Variants in AFF1 observed in about 807,000 individuals in gnomAD.
AFF1 encodes the protein AF4/FMR2 family member 1.
Under a neutral mutation model 121.7 loss-of-function variants are expected in AFF1, and 48 were observed. The ratio of observed to expected loss-of-function variants is 0.39; its 90% confidence interval spans 0.31 to 0.50. The LOEUF (loss-of-function observed/expected upper bound fraction) is 0.50. Among genes scored for constraint, AFF1 ranks in the 20% least tolerant of loss-of-function variants. The pLI is 0.76. For missense variants in AFF1, 1,523 were observed against 1,511.7 expected, an observed-to-expected ratio of 1.01 and a Z score of -0.12; for synonymous variants, 613 against 563.0, an observed-to-expected ratio of 1.09 and a Z score of -1.26.
At position 86,990,166 on chromosome 4, in the gene AFF1, T is replaced by TATA. The variant is rs35076194; in HGVS notation, c.38+41617_38+41619dup. Among the ~76,000 whole-genome samples, 321 of 148,190 alleles carry TATA rather than the reference T, an allele frequency of 2.2e-3. 2 individuals are homozygous for TATA. Among genetic ancestry groups the TATA allele is most frequent in the East Asian group, 9.9e-3 (50 of 5,040 alleles). ...TGCCCATGTATTCCAGAACTTAAAT[T>TATA]ATAATAATAATAATAATAATAATAG... On this transcript the variant is annotated intron_variant, in intron 2 of 20. Transcript: ENST00000395146.
intron 2 of AFF1, among the ~76,000 whole-genome samples, chr4:86,969,770 C>T (rs1301259069): frequency 6.7e-6 from 1 of 148,532 alleles, no homozygotes; most frequent in Non-Finnish European, 1.5e-5. Context: ...GTCCCAGCTA[C>T]TCGGGAGGCT....
intron 4 of AFF1, among the ~76,000 whole-genome samples, chr4:87,069,463 C>CCTCTCGTCT (rs1721755737): frequency 6.7e-6 from 1 of 149,428 alleles, no homozygotes; most frequent in African/African-American, 2.5e-5. Context: ...TTCCTCCCTC[C>CCTCTCGTCT]CTCTCGTCTC....
At chr4:87,072,862 G>A (rs934699686) in intron 4 of AFF1, among the ~76,000 whole-genome samples, 5 of 152,088 alleles carry the variant, frequency 3.3e-5, no homozygotes, top group Admixed American at 6.5e-5. Context: ...AAATACTGGC[G>A]TTTGTCGAAT....
chr4:86,970,032 G>C (rs142733540), intron 2 of AFF1, among the ~76,000 whole-genome samples: 2 of 151,990 alleles, frequency 1.3e-5, no homozygotes, highest in East Asian at 3.9e-4. Context: ...CATAGAACAG[G>C]TCTGAAAGGG....
At chr4:87,114,292 A>G in intron 11 of AFF1, 75 bp from the exon 12 acceptor site, 1 of 1,345,112 alleles carries the variant, frequency 7.4e-7, no homozygotes, top group South Asian at 1.5e-5. Flanking sequence ...GTGTTGTATA[A>G]TTGGGTGACT....
At chr4:86,941,460 TTGAGC>T (rs1178132721) in intron 1 of AFF1, among the ~76,000 whole-genome samples, 1 of 151,992 alleles carries the variant, frequency 6.6e-6, no homozygotes, top group East Asian at 1.9e-4. Context: ...GGAGTTCGAG[TTGAGC>T]CTGGCCAACG....
At chr4:87,101,660 T>C (rs1035455738) in intron 8 of AFF1, among the ~76,000 whole-genome samples, 2 of 152,156 alleles carry the variant, frequency 1.3e-5, no homozygotes, top group South Asian at 4.1e-4. Flanking sequence ...CCATTGCCCA[T>C]CCTATCCCCG....
chr4:87,020,726 C>G, intron 2 of AFF1: 1 of 880,772 alleles, frequency 1.1e-6, no homozygotes, highest in African/African-American at 1.8e-5. Flanking sequence ...CCTCATGATC[C>G]GCCTGCCTCA....
rs1368452512 is a variant in AFF1, at chr4:87,047,144, G to C, written c.609G>C (p.Arg203Ser). The C allele has an allele frequency of 6.2e-7, 1 of 1,614,036 alleles. No homozygotes were observed. The highest frequency in any genetic ancestry group is 1.7e-5 in the Admixed American group (1 of 60,002). Reference sequence around the variant, plus strand: ...CGGTGACAGATTCGGCTCCAGAGAGGGAGCTTTCTCCCTTAATCTCTTTGC... The same window carrying C: ...CGGTGACAGATTCGGCTCCAGAGAGCGAGCTTTCTCCCTTAATCTCTTTGC... ...CASVTDSAPE[R>S]ELSPLISLPS... The change falls in exon 4 of 21, where the codon AGG becomes AGC. Residue 203 changes from arginine (R) to serine (S), a missense_variant. Physicochemically the swap from Arg to Ser is moderately radical, Grantham distance 110 (BLOSUM62 -1). Transcript: ENST00000395146.
At chr4:87,035,662 A>G (rs73837573) in intron 2 of AFF1, among the ~76,000 whole-genome samples, 1,985 of 152,274 alleles carry the variant, frequency 0.013, 46 homozygotes, top group African/African-American at 0.045. Flanking sequence ...TATGATTTTT[A>G]GAAAAATCAG....
chr4:87,013,949 A>G (rs1032005977), intron 2 of AFF1, among the ~76,000 whole-genome samples: 1 of 152,178 alleles, frequency 6.6e-6, no homozygotes, highest in Admixed American at 6.5e-5. Flanking sequence ...GAGAGAGATC[A>G]TATAAACCAT....
At chr4:86,958,883 T>C (rs1157918811) in intron 2 of AFF1, among the ~76,000 whole-genome samples, 1 of 152,188 alleles carries the variant, frequency 6.6e-6, no homozygotes, top group African/African-American at 2.4e-5. Context: ...AAGGAAACAG[T>C]TGCATGTATG....
rs3733377 is a variant in AFF1 at position 87,108,330 on chromosome 4, C to A, written c.1533+15C>A. 3 of 1,609,836 alleles carry A rather than the reference C, an allele frequency of 1.9e-6. No individual in the cohort carries two copies. The highest frequency in any genetic ancestry group is 2.2e-5 in the East Asian group (1 of 44,830). ...CAGCTCCGGAGGTACCGTGTTCCCC[C>A]TCGAGATGGCCACCTTAGATGGCAG... On this transcript the variant is annotated intron_variant, in intron 11 of 20. Coordinates refer to ENST00000395146, the MANE Select transcript of AFF1 (RefSeq NM_001166693.3).
chr4:87,131,855 C>T lies in AFF1; in HGVS notation c.3164C>T (p.Ala1055Val). 1.3e-6 allele frequency: 2 copies of T among 1,588,378 alleles called. No homozygotes were observed. Among genetic ancestry groups the T allele is most frequent in the Non-Finnish European group, 1.7e-6 (2 of 1,172,526 alleles). ...GCGCCAACACAAGAGAAAATATTTG[C>T]TGTTTTATGGTGCGTATTTTCCTTT... ...ATAPTQEKIF[A>V]VLCMRCQSIL... Residue 1055 changes from alanine to valine, a missense_variant, in exon 18 of 21, where the codon GCT (alanine) becomes GTT (valine). Ala to Val is a moderately conservative substitution (Grantham distance 64, BLOSUM62 0). This residue lies in a region of AFF1 where 241 missense variants were observed against 265.2 expected (regional missense o/e 0.91). Transcript: ENST00000395146.
In AFF1 at chr4:87,037,972, TTA is replaced by T. The variant is rs1471084479; in HGVS notation, c.39-8193_39-8192del. ...TTGCAAAATGGGGTCACATAAAACTTTAAAAATAAATACTATAATAAATTATA... is the reference window on the plus strand; with the variant it reads ...TTGCAAAATGGGGTCACATAAAACTTAAAATAAATACTATAATAAATTATA... On this transcript the variant is annotated intron_variant, in intron 2 of 20. Transcript: ENST00000395146. Among the ~76,000 whole-genome samples, 4 of 141,874 alleles carry T rather than the reference TTA, an allele frequency of 2.8e-5. No homozygotes were observed. The South Asian group carries it at 1.1e-3, about 38-fold the overall frequency. The allele number at this position is 141,874 out of a possible 152,430, so 93.1% of individuals were successfully genotyped here.
At chr4:87,036,368 CTGTAGAT>C (rs1189516724) in intron 2 of AFF1, among the ~76,000 whole-genome samples, 2 of 152,146 alleles carry the variant, frequency 1.3e-5, no homozygotes, top group African/African-American at 4.8e-5. Flanking sequence ...TAACCCCTAG[CTGTAGAT>C]TGCCAGACTT....
chr4:87,028,038 A>C (rs896558404), intron 2 of AFF1, among the ~76,000 whole-genome samples: 1 of 152,072 alleles, frequency 6.6e-6, no homozygotes, highest in Non-Finnish European at 1.5e-5. Context: ...TTCAGATTTT[A>C]AGATTAGTAG....
At chr4:86,948,660 T>G in intron 2 of AFF1, 89 bp downstream of exon 2, 1 of 1,350,632 alleles carries the variant, frequency 7.4e-7, no homozygotes, top group Non-Finnish European at 1.0e-6. Context: ...TTTTCAATTT[T>G]GCAACTTAAG....
At chr4:87,108,124 G>A (rs140837454) in intron 10 of AFF1, 35 bp from the exon 11 acceptor site, 689 of 1,606,896 alleles carry the variant, frequency 4.3e-4, no homozygotes, top group Admixed American at 1.3e-3. Context: ...ACCTTGTATC[G>A]TGCCTTCTAA....
Sources: gnomAD v4.1 joint callset for allele counts (sites outside exome capture counted in the v4.1 genomes callset) on GRCh38, gnomAD v4.1.1 for gene constraint, gnomAD v4.1.1 regional missense constraint, MANE v1.5 for transcripts, NCBI Gene and HGNC (gene_info 2026-07-23, HGNC 2026-07-21) for gene names.